USP47: variants seen among roughly 807,000 people sequenced by gnomAD.
USP47 encodes ubiquitin carboxyl-terminal hydrolase 47.
In USP47, 35 loss-of-function variants were observed where a neutral mutation model predicts 165.1. The observed-to-expected ratio is 0.21, with a 90% CI of 0.16 to 0.28. The LOEUF is 0.28. Ranked by LOEUF, USP47 falls within the 10% of genes least tolerant of loss-of-function variation. The pLI, the probability that USP47 is intolerant of heterozygous loss-of-function variation, is 1.00. For missense variants in USP47, 1,277 were observed against 1,607.4 expected, an observed-to-expected ratio of 0.79 and a Z score of 3.52; for synonymous variants, 531 against 544.5, an observed-to-expected ratio of 0.98 and a Z score of 0.35.
At chr11:11,900,778 T>C (rs4910031) in intron 5 of USP47, among the ~76,000 whole-genome samples, 64,875 of 151,978 alleles carry the variant, frequency 0.43, 14,502 homozygotes, top group Middle Eastern at 0.75. Flanking sequence ...ACTAAAGTAA[T>C]GGCAAGTACC....
intron 8 of USP47, among the ~76,000 whole-genome samples, chr11:11,914,314 T>C (rs1853247509): frequency 6.6e-6 from 1 of 152,076 alleles, no homozygotes; most frequent in African/African-American, 2.4e-5. Flanking sequence ...AAAATGGTGT[T>C]TCCAACAAAT....
chr11:11,846,682 A>C (rs774245469), intron 1 of USP47, among the ~76,000 whole-genome samples: 1 of 152,182 alleles, frequency 6.6e-6, no homozygotes, highest in Non-Finnish European at 1.5e-5. Flanking sequence ...CTTCACAGCA[A>C]CCTCAGAGTA....
rs1590456012 is a variant in USP47 at position 11,948,756 on chromosome 11, A to G, written c.3348+198A>G. 4 of 479,644 alleles carry G rather than the reference A, an allele frequency of 8.3e-6. No individual in the cohort carries two copies. The East Asian group carries it at 1.3e-4, about 15-fold the overall frequency. The allele number at this position is 479,644 out of a possible 1,614,324, so 29.7% of individuals were successfully genotyped here. A position where few individuals can be genotyped will look rare whatever the true frequency, so the allele number is the denominator to read the frequency against. On this transcript the variant is annotated intron_variant, in intron 22 of 27. Coordinates refer to ENST00000527733, the MANE Select transcript of USP47 (RefSeq NM_001282659.2). ...ATTATAGCACAAGGAGCCATAGACA[A>G]TAATAAGCCAATGAGATGGCTATGT...
rs1011291573 is a variant in USP47, at chr11:11,961,216, T to C, written c.*5041T>C. 2.6e-5 allele frequency among the ~76,000 whole-genome samples: 4 copies of C among 152,166 alleles called. No homozygotes were observed. Among genetic ancestry groups the C allele is most frequent in the Non-Finnish European group, 5.9e-5 (4 of 68,044 alleles). ...TTTACCTGACAGGGCAAAAGAGATT[T>C]TGCAGATGCAATTAAGGTTAAGGAC... is the stretch of plus-strand genomic sequence containing the variant. On this transcript the variant is annotated 3_prime_UTR_variant, in exon 28 of 28. Transcript: ENST00000527733.
intron 20 of USP47, among the ~76,000 whole-genome samples, chr11:11,947,079 C>T (rs1050830566): frequency 1.3e-5 from 2 of 152,114 alleles, no homozygotes; most frequent in African/African-American, 2.4e-5. Context: ...CCTGAGGCAG[C>T]GAGGCAGCAC....
chr11:11,947,543 T>C (rs550182245), intron 20 of USP47, among the ~76,000 whole-genome samples: 1 of 152,190 alleles, frequency 6.6e-6, no homozygotes, highest in Non-Finnish European at 1.5e-5. Flanking sequence ...TCCATTTTTC[T>C]AGTGAGGAAA....
intron 11 of USP47, among the ~76,000 whole-genome samples, chr11:11,923,626 C>T (rs887957521): frequency 3.3e-5 from 5 of 152,012 alleles, no homozygotes; most frequent in African/African-American, 9.7e-5. Flanking sequence ...TAATAAACTC[C>T]TAATGTGAAG....
At chr11:11,932,137 G>T (rs1028119111) in intron 14 of USP47, among the ~76,000 whole-genome samples, 2 of 152,118 alleles carry the variant, frequency 1.3e-5, no homozygotes, top group Middle Eastern at 3.2e-3. Context: ...GGCAATATGG[G>T]AGCAGGCATT....
chr11:11,936,073 A>G (rs1044124213), intron 16 of USP47, among the ~76,000 whole-genome samples: 1 of 151,802 alleles, frequency 6.6e-6, no homozygotes. Flanking sequence ...TGTATTTAGT[A>G]CATGCTTTAT....
intron 4 of USP47, among the ~76,000 whole-genome samples, chr11:11,893,758 G>T (rs1851688563): frequency 6.6e-6 from 1 of 152,054 alleles, no homozygotes; most frequent in African/African-American, 2.4e-5. Flanking sequence ...GTGTTGCCCA[G>T]GCTAGTCTCA....
chr11:11,953,390 G>A (rs1162406820), intron 25 of USP47, among the ~76,000 whole-genome samples: 2 of 151,968 alleles, frequency 1.3e-5, no homozygotes, highest in African/African-American at 2.4e-5. Context: ...AATTCTAAAT[G>A]TATTAAGTTT....
rs372514729 is a variant in USP47, at chr11:11,940,466, T to A, written c.2231T>A (p.Leu744Gln). ...HLPAETMRIV[L>Q]ERCYNDLRLL... ...CCTGCTGAAACAATGAGAATAGTGC[T>A]GGAACGCTGCTACAATGATTTGCGT... Residue 744 changes from leucine (L) to glutamine (Q), a missense_variant, in exon 19 of 28, where the codon CTG becomes CAG. Transcript: ENST00000527733. 2.5e-6 allele frequency: 4 copies of A among 1,612,032 alleles called. No homozygotes were observed. Among genetic ancestry groups the A allele is most frequent in the Non-Finnish European group, 2.5e-6 (3 of 1,178,646 alleles).
chr11:11,919,546 G>T (rs1590377666), intron 8 of USP47, among the ~76,000 whole-genome samples: 1 of 151,768 alleles, frequency 6.6e-6, no homozygotes, highest in Non-Finnish European at 1.5e-5. Flanking sequence ...GAACCACGTG[G>T]TTCTACCAAA....
rs1848847691 is a variant in USP47, at chr11:11,853,578, A to G, written c.39+11354A>G. On this transcript the variant is annotated intron_variant, in intron 1 of 27. Transcript: ENST00000527733. ...ATGGATGTAGATGTAGTGTGAGTAA[A>G]TAGATGCGTCCTCTCTACCTTACTG... is the stretch of plus-strand genomic sequence containing the variant. Among the ~76,000 whole-genome samples the G allele has an allele frequency of 2.0e-5, 3 of 152,196 alleles. No homozygotes were observed. In the South Asian group the frequency reaches 6.2e-4, roughly 32 times the overall value.
chr11:11,935,374 T>C (rs79970736), intron 16 of USP47, among the ~76,000 whole-genome samples: 2,656 of 152,118 alleles, frequency 0.017, 61 homozygotes, highest in East Asian at 0.083. Flanking sequence ...GATGGATGGA[T>C]GGCTCTGGAT....
chr11:11,847,274 A>G (rs1848479132), intron 1 of USP47, among the ~76,000 whole-genome samples: 2 of 150,638 alleles, frequency 1.3e-5, no homozygotes, highest in African/African-American at 4.9e-5. Flanking sequence ...GGGTATTTAC[A>G]TAGTGTTTTT....
intron 1 of USP47, among the ~76,000 whole-genome samples, chr11:11,876,181 A>G (rs74855352): frequency 0.061 from 9,228 of 152,236 alleles, 428 homozygotes; most frequent in Non-Finnish European, 0.089. Context: ...ACTACATTAA[A>G]TGTTTTTCTA....
intron 1 of USP47, among the ~76,000 whole-genome samples, chr11:11,857,635 T>G (rs55701661): frequency 6.6e-6 from 1 of 152,168 alleles, no homozygotes; most frequent in Non-Finnish European, 1.5e-5. Context: ...CATTTCACGC[T>G]TACTTCTTAG....
At position 11,878,968 on chromosome 11, in the gene USP47, A is replaced by T. The variant is rs114174624; in HGVS notation, c.40-1209A>T. On this transcript the variant is annotated intron_variant, in intron 1 of 27. Transcript: ENST00000527733. ...GTTATAAAAACTAAGGAAGAAATAA[A>T]TTTTTGTGTACACCACCAGTTTGTA... 4.9e-3 allele frequency among the ~76,000 whole-genome samples: 746 copies of T among 152,254 alleles called. 6 individuals are homozygous for T. The highest frequency in any genetic ancestry group is 0.017 in the African/African-American group (724 of 41,562).
Sources: allele counts gnomAD v4.1 joint callset (sites outside exome capture counted in the v4.1 genomes callset), GRCh38; gene constraint gnomAD v4.1.1; transcripts MANE v1.5; gene names NCBI Gene and HGNC (gene_info 2026-07-23, HGNC 2026-07-21).